Variants in ALMS1 observed in about 807,000 individuals in gnomAD.
ALMS1 encodes centrosome-associated protein ALMS1.
ALMS1 carries 271 observed loss-of-function variants against 352.2 expected under a neutral mutation model. The ratio of observed to expected loss-of-function variants is 0.77; its 90% confidence interval spans 0.70 to 0.85. ALMS1 has a LOEUF of 0.85. Among genes scored for constraint, ALMS1 ranks in the 40% least tolerant of loss-of-function variants. The probability of loss-of-function intolerance (pLI) is 0.00; values close to 1 mark genes in which losing one functional copy is unlikely to be tolerated. For missense variants in ALMS1, 5,445 were observed against 4,870.7 expected, an observed-to-expected ratio of 1.12 and a Z score of -3.51; for synonymous variants, 1,865 against 1,761.2, an observed-to-expected ratio of 1.06 and a Z score of -1.48.
At chr2:73,401,077 A>G (rs1228572030) in intron 1 of ALMS1, among the ~76,000 whole-genome samples, 2 of 152,208 alleles carry the variant, frequency 1.3e-5, no homozygotes, top group East Asian at 3.8e-4. Context: ...GTGAGCTACC[A>G]TACCTGGCCT....
chr2:73,413,218 G>C (rs1246956533), intron 2 of ALMS1, among the ~76,000 whole-genome samples: 2 of 152,064 alleles, frequency 1.3e-5, no homozygotes, highest in Admixed American at 1.3e-4. Context: ...AGCTCTAGAT[G>C]CAAGTCCTTT....
intron 21 of ALMS1, 173 bp downstream of exon 21, chr2:73,603,477 G>C: frequency 3.1e-6 from 2 of 646,052 alleles, no homozygotes; most frequent in Non-Finnish European, 2.8e-6. Flanking sequence ...GCACATCATG[G>C]TATGAATGAC....
chr2:73,426,586 C>T (rs746361672), intron 6 of ALMS1, 33 bp downstream of exon 6: 4 of 1,598,918 alleles, frequency 2.5e-6, no homozygotes, highest in Admixed American at 1.7e-5. Flanking sequence ...TTGTAAGAAA[C>T]GTGGCCTTTT....
At chr2:73,556,942 T>G (rs866439513) in intron 13 of ALMS1, among the ~76,000 whole-genome samples, 1 of 152,106 alleles carries the variant, frequency 6.6e-6, no homozygotes, top group Non-Finnish European at 1.5e-5. Flanking sequence ...CCCCAAGTGA[T>G]CCACCCGCCT....
In ALMS1 at chr2:73,573,085, T is replaced by C. The variant is rs1674977256; in HGVS notation, c.11208T>C (p.Asp3736=). ...ATTATATAAGCAACACTTCTTCGGA[T>C]TGTCGGCCCTCAGAGGAGAGTGAGC... ...GFNYISNTSS[D]CRPSEESELL... Residue 3736 remains aspartate, a synonymous_variant, in exon 16 of 23, where the codon GAT becomes GAC. Transcript: ENST00000613296. 1 of 1,613,980 alleles carries C rather than the reference T, an allele frequency of 6.2e-7. No homozygotes were observed. The highest frequency in any genetic ancestry group is 1.7e-5 in the Admixed American group (1 of 59,972).
rs565310301 is a variant in ALMS1 at position 73,495,911 on chromosome 2, A to G, written c.9539+4413A>G. Among the ~76,000 whole-genome samples, 5 of 152,300 alleles carry G rather than the reference A, an allele frequency of 3.3e-5. No homozygotes were observed. The East Asian group carries it at 9.6e-4, about 29-fold the overall frequency. Reference sequence around the variant, plus strand: ...TTCAGAATTCATAGCCCCTACCCACATGAAAAACAAATTCTGCATCTAGAG... The same window carrying G: ...TTCAGAATTCATAGCCCCTACCCACGTGAAAAACAAATTCTGCATCTAGAG... On this transcript the variant is annotated intron_variant, in intron 10 of 22. Coordinates refer to ENST00000613296, the MANE Select transcript of ALMS1 (RefSeq NM_001378454.1).
intron 2 of ALMS1, among the ~76,000 whole-genome samples, chr2:73,415,093 C>CT (rs919063874): frequency 2.0e-5 from 3 of 152,182 alleles, no homozygotes; most frequent in East Asian, 1.9e-4. Flanking sequence ...GTATCTCAAA[C>CT]TTTTTTTCTC....
At chr2:73,510,161 A>G (rs1437109964) in intron 10 of ALMS1, among the ~76,000 whole-genome samples, 1 of 152,200 alleles carries the variant, frequency 6.6e-6, no homozygotes, top group Admixed American at 6.5e-5. Flanking sequence ...TTGGGTTAGA[A>G]CATGTTCCTT....
At chr2:73,396,907 G>A (rs941962405) in intron 1 of ALMS1, among the ~76,000 whole-genome samples, 1 of 152,138 alleles carries the variant, frequency 6.6e-6, no homozygotes, top group South Asian at 2.1e-4. Flanking sequence ...GCCTCCCAAA[G>A]TGCTAGGATT....
chr2:73,436,665 T>C (rs1671609430), intron 7 of ALMS1, among the ~76,000 whole-genome samples: 1 of 152,236 alleles, frequency 6.6e-6, no homozygotes, highest in African/African-American at 2.4e-5. Context: ...ATATCTACTG[T>C]TGAGCCTCTA....
chr2:73,581,234 T>C (rs1309839025), intron 16 of ALMS1, among the ~76,000 whole-genome samples: 1 of 152,248 alleles, frequency 6.6e-6, no homozygotes, highest in Non-Finnish European at 1.5e-5. Context: ...CTTGTTCATT[T>C]GGTTTTCAGT....
intron 10 of ALMS1, among the ~76,000 whole-genome samples, chr2:73,492,710 ATAG>A (rs1673016665): frequency 6.6e-6 from 1 of 152,210 alleles, no homozygotes; most frequent in Non-Finnish European, 1.5e-5. Flanking sequence ...AATGTTAAAA[ATAG>A]TAGAGTGCCA....
chr2:73,452,517 A>G lies in ALMS1; in HGVS notation c.5990A>G (p.Lys1997Arg), dbSNP rs150331660. The change falls in exon 8 of 23, where the codon AAG (lysine) becomes AGG (arginine). Residue 1997 changes from lysine to arginine, a missense_variant. Transcript: ENST00000613296. ...SYSHSHKEKL[K>R]ISTVHIPDDQ... ...TCACATTCACATAAAGAGAAACTCA[A>G]GATTTCAACTGTGCATATACCAGAT... 24 of 1,614,100 alleles carry G rather than the reference A, an allele frequency of 1.5e-5. No individual in the cohort carries two copies. In the African/African-American group the frequency reaches 2.7e-4, roughly 18 times the overall value.
intron 9 of ALMS1, among the ~76,000 whole-genome samples, chr2:73,464,251 T>TC (rs1247608422): frequency 1.3e-5 from 2 of 152,128 alleles, no homozygotes; most frequent in East Asian, 3.9e-4. Flanking sequence ...TCCACCATGA[T>TC]CAAGTGGGCT....
intron 9 of ALMS1, among the ~76,000 whole-genome samples, chr2:73,486,961 G>T (rs911001923): frequency 6.6e-6 from 1 of 152,138 alleles, no homozygotes; most frequent in Non-Finnish European, 1.5e-5. Flanking sequence ...AGGCTGAGGT[G>T]GCAGGATCGC....
intron 15 of ALMS1, among the ~76,000 whole-genome samples, chr2:73,570,734 C>T (rs1479240272): frequency 6.6e-6 from 1 of 152,198 alleles, no homozygotes; most frequent in African/African-American, 2.4e-5. Flanking sequence ...ATTGGAGGAA[C>T]TTGCCTTTAA....
chr2:73,411,136 T>A (rs1382948316), intron 2 of ALMS1, among the ~76,000 whole-genome samples: 1 of 151,706 alleles, frequency 6.6e-6, no homozygotes, highest in African/African-American at 2.4e-5. Flanking sequence ...CACACTGGAG[T>A]AGGGTTTGCT....
chr2:73,468,106 T>A (rs1261506655), intron 9 of ALMS1, among the ~76,000 whole-genome samples: 3 of 151,936 alleles, frequency 2.0e-5, no homozygotes, highest in African/African-American at 7.2e-5. Flanking sequence ...AAGGAAACAT[T>A]GAACAAGAGA....
chr2:73,573,377 G>A lies in ALMS1; in HGVS notation c.11500G>A (p.Gly3834Ser). The change falls in exon 16 of 23, where the codon GGT becomes AGT. Residue 3834 changes from glycine to serine, a missense_variant. Coordinates refer to ENST00000613296, the MANE Select transcript of ALMS1 (RefSeq NM_001378454.1). The part of the protein sequence containing the change: ...SKHSKKVLNT[G>S]HPLVTSEHTR... The stretch of plus-strand genomic sequence containing the variant: ...ACACAGCAAGAAAGTGCTGAATACA[G>A]GTCATCCCCTAGTGACTTCTGAGCA... 2 of 1,614,068 alleles carry A rather than the reference G, an allele frequency of 1.2e-6. No individual in the cohort carries two copies. The highest frequency in any genetic ancestry group is 1.7e-6 in the Non-Finnish European group (2 of 1,179,992).
Sources: gnomAD v4.1 joint callset for allele counts (sites outside exome capture counted in the v4.1 genomes callset) on GRCh38, gnomAD v4.1.1 for gene constraint, MANE v1.5 for transcripts, NCBI Gene and HGNC (gene_info 2026-07-23, HGNC 2026-07-21) for gene names.